Variants in GATAD2A observed in about 807,000 individuals in gnomAD.
The protein encoded by GATAD2A is GATA zinc finger domain containing 2A.
In GATAD2A, 12 loss-of-function variants were observed where a neutral mutation model predicts 68.5. The observed-to-expected ratio is 0.18, with a 90% CI of 0.11 to 0.28. The LOEUF (loss-of-function observed/expected upper bound fraction) is 0.28, where lower values mean the gene tolerates loss of function less well. Among genes scored for constraint, GATAD2A ranks in the 10% least tolerant of loss-of-function variants. GATAD2A has a pLI of 1.00. For missense variants in GATAD2A, 755 were observed against 868.5 expected (o/e 0.87, Z 1.64); for synonymous variants, 410 against 375.3 (o/e 1.09, Z -1.07).
At chr19:19,454,597 C>CAA (rs1242274321) in intron 1 of GATAD2A, among the ~76,000 whole-genome samples, 2 of 129,968 alleles carry the variant, frequency 1.5e-5, no homozygotes, top group African/African-American at 2.8e-5. Flanking sequence ...GACCCTGTCT[C>CAA]AAAAAAAAAA....
chr19:19,421,167 C>T (rs2052373262), intron 1 of GATAD2A, among the ~76,000 whole-genome samples: 1 of 152,134 alleles, frequency 6.6e-6, no homozygotes, highest in South Asian at 2.1e-4. Context: ...CAAGCAGGGC[C>T]TGGCTTGGCT....
intron 1 of GATAD2A, among the ~76,000 whole-genome samples, chr19:19,414,498 C>T (rs540746864): frequency 6.7e-6 from 1 of 148,608 alleles, no homozygotes; most frequent in Admixed American, 6.7e-5. Context: ...TTATGTAGGT[C>T]CATTGGTCAG....
intron 2 of GATAD2A, among the ~76,000 whole-genome samples, chr19:19,470,314 T>A (rs1246547017): frequency 6.6e-6 from 1 of 152,018 alleles, no homozygotes; most frequent in Non-Finnish European, 1.5e-5. Context: ...TTTTGTATTT[T>A]TAGTAGAGGC....
chr19:19,500,619 A>G (rs2060464531), intron 8 of GATAD2A, among the ~76,000 whole-genome samples: 1 of 152,194 alleles, frequency 6.6e-6, no homozygotes, highest in African/African-American at 2.4e-5. Flanking sequence ...CACCTTGTGC[A>G]GTGGGTGCAG....
intron 1 of GATAD2A, among the ~76,000 whole-genome samples, chr19:19,386,616 C>T (rs2048444943): frequency 6.6e-6 from 1 of 151,384 alleles, no homozygotes; most frequent in Non-Finnish European, 1.5e-5. Flanking sequence ...TAGAGGATCC[C>T]CACCTCTCTA....
upstream of GATAD2A, among the ~76,000 whole-genome samples, chr19:19,401,675 A>G (rs1236895833): frequency 6.6e-6 from 1 of 152,042 alleles, no homozygotes; most frequent in Admixed American, 6.6e-5. Flanking sequence ...TGTTTATCAC[A>G]TAAGTCATCT....
intron 1 of GATAD2A, chr19:19,441,843 CG>C (rs2055132985): frequency 6.5e-6 from 1 of 152,978 alleles, no homozygotes; most frequent in Non-Finnish European, 1.5e-5. Context: ...GGATTACAGG[CG>C]TGAGCCACCG....
At chr19:19,475,170 C>CGGCT (rs2058590816) in intron 2 of GATAD2A, among the ~76,000 whole-genome samples, 1 of 152,188 alleles carries the variant, frequency 6.6e-6, no homozygotes, top group Non-Finnish European at 1.5e-5. Context: ...GCCCGCCGGC[C>CGGCT]GGCTGTCTAC....
At chr19:19,475,008 C>A (rs1393012378) in intron 2 of GATAD2A, among the ~76,000 whole-genome samples, 4 of 152,224 alleles carry the variant, frequency 2.6e-5, no homozygotes, top group Non-Finnish European at 5.9e-5. Context: ...AGTCACATAG[C>A]GGATGCTCGG....
chr19:19,401,438 C>T (rs2049739614), upstream of GATAD2A, among the ~76,000 whole-genome samples: 1 of 152,038 alleles, frequency 6.6e-6, no homozygotes, highest in Non-Finnish European at 1.5e-5. Context: ...TGGTCTCGAT[C>T]TCCTGATCTC....
intron 1 of GATAD2A, among the ~76,000 whole-genome samples, chr19:19,454,468 A>C (rs2056729919): frequency 6.6e-6 from 1 of 151,742 alleles, no homozygotes; most frequent in Non-Finnish European, 1.5e-5. Flanking sequence ...GTGTGTTGGC[A>C]CCCACCTGTG....
chr19:19,476,446 C>G (rs1467720455), intron 2 of GATAD2A, among the ~76,000 whole-genome samples: 1 of 152,216 alleles, frequency 6.6e-6, no homozygotes, highest in Admixed American at 6.5e-5. Context: ...ATTTAAATGT[C>G]CCATCCACAG....
intron 1 of GATAD2A, among the ~76,000 whole-genome samples, chr19:19,414,530 C>CTTTT (rs758728889): frequency 2.1e-3 from 150 of 70,214 alleles, no homozygotes; most frequent in Middle Eastern, 0.012. Context: ...AGGGCCTTGT[C>CTTTT]TTTTTTTTTT....
intron 2 of GATAD2A, among the ~76,000 whole-genome samples, chr19:19,489,510 A>G (rs564160873): frequency 6.6e-6 from 1 of 152,310 alleles, no homozygotes; most frequent in Non-Finnish European, 1.5e-5. Flanking sequence ...TGGGATGCTG[A>G]GTGATCATTG....
chr19:19,503,412 G>T (rs1959452929), intron 11 of GATAD2A, among the ~76,000 whole-genome samples: 5 of 152,368 alleles, frequency 3.3e-5, no homozygotes, highest in Admixed American at 2.6e-4. Context: ...CTCTGCAGGG[G>T]CACTTCAGGA....
chr19:19,474,885 T>C (rs910352217), intron 2 of GATAD2A, among the ~76,000 whole-genome samples: 2 of 152,226 alleles, frequency 1.3e-5, no homozygotes, highest in South Asian at 4.1e-4. Flanking sequence ...CCAGAGAGGT[T>C]GAGGTCCAGA....
intron 11 of GATAD2A, 87 bp downstream of exon 11, chr19:19,502,613 G>A (rs552844577): frequency 2.3e-5 from 25 of 1,079,484 alleles, no homozygotes; most frequent in Admixed American, 1.1e-4. Context: ...CATGTGCAGC[G>A]GGTGAACCCC....
rs1341497708 is a variant in GATAD2A, at chr19:19,405,686, A to G, written c.-340A>G. ...GCCCCTCGGTCGCCACGCCCCGCCC[A>G]GCCGGGCGCGGGCGGGCGGCGTCGC... is the stretch of plus-strand genomic sequence containing the variant. On this transcript the variant is annotated 5_prime_UTR_variant, in exon 1 of 12. Transcript: ENST00000683918. 1 of 149,370 alleles carries G rather than the reference A, an allele frequency of 6.7e-6. No homozygotes were observed. The highest frequency in any genetic ancestry group is 2.4e-5 in the African/African-American group (1 of 41,086). 9.3% of individuals were successfully genotyped at this position (149,370 alleles called of 1,614,324 possible).
At chr19:19,413,497 T>C (rs996139369) in intron 1 of GATAD2A, among the ~76,000 whole-genome samples, 1 of 152,292 alleles carries the variant, frequency 6.6e-6, no homozygotes, top group African/African-American at 2.4e-5. Flanking sequence ...GGTGGTTCTT[T>C]CAGAGGATTC....
Sources: allele counts gnomAD v4.1 joint callset (sites outside exome capture counted in the v4.1 genomes callset), GRCh38; gene constraint gnomAD v4.1.1; transcripts MANE v1.5; gene names NCBI Gene and HGNC (gene_info 2026-07-23, HGNC 2026-07-21).